MEIKIN: variants seen among roughly 807,000 people sequenced by gnomAD.
The protein encoded by MEIKIN is meiotic kinetochore factor, also known as meiosis-specific kinetochore protein.
At chr5:131,890,507 G>A (rs1750890959) in intron 8 of MEIKIN, among the ~76,000 whole-genome samples, 4 of 152,186 alleles carry the variant, frequency 2.6e-5, no homozygotes, top group Admixed American at 2.6e-4. Context: ...TTTGCATAGA[G>A]GTGTTTACAG....
chr5:131,888,734 T>C (rs1040586943), intron 8 of MEIKIN, among the ~76,000 whole-genome samples: 2 of 152,240 alleles, frequency 1.3e-5, no homozygotes, highest in Non-Finnish European at 2.9e-5. Context: ...ATTTCTCAAT[T>C]TTGGCGTTTG....
intron 11 of MEIKIN, among the ~76,000 whole-genome samples, chr5:131,835,730 A>T (rs577714209): frequency 1.7e-4 from 26 of 152,262 alleles, no homozygotes; most frequent in African/African-American, 6.3e-4. Flanking sequence ...AGTAGCTGGG[A>T]CTACAGGTGC....
chr5:131,890,710 A>G (rs1015229741), intron 8 of MEIKIN, among the ~76,000 whole-genome samples: 29 of 151,950 alleles, frequency 1.9e-4, no homozygotes, highest in Non-Finnish European at 4.1e-4. Context: ...TTGTGTCTCT[A>G]TTTCCTTCAG....
intron 4 of MEIKIN, among the ~76,000 whole-genome samples, chr5:131,935,613 G>C (rs973615725): frequency 1.3e-5 from 2 of 152,114 alleles, no homozygotes; most frequent in Non-Finnish European, 2.9e-5. Flanking sequence ...CGGGGGTCGG[G>C]GGTGGTGAGT....
intron 8 of MEIKIN, among the ~76,000 whole-genome samples, chr5:131,902,577 G>A (rs1295203003): frequency 6.6e-6 from 1 of 152,078 alleles, no homozygotes; most frequent in Non-Finnish European, 1.5e-5. Context: ...GCAGAACCAT[G>A]AGCCAATTAA....
At chr5:131,820,870 A>G (rs535208538) in intron 11 of MEIKIN, among the ~76,000 whole-genome samples, 8 of 152,160 alleles carry the variant, frequency 5.3e-5, no homozygotes, top group Admixed American at 6.5e-5. Flanking sequence ...TTCCTTCTTC[A>G]TCTCTGATTT....
chr5:131,849,100 C>G (rs1013865473), intron 11 of MEIKIN, among the ~76,000 whole-genome samples: 1 of 152,126 alleles, frequency 6.6e-6, no homozygotes, highest in Non-Finnish European at 1.5e-5. Flanking sequence ...ATTTGTGTCC[C>G]TGCCCAAATC....
At chr5:131,934,610 C>T (rs977265811) in intron 4 of MEIKIN, among the ~76,000 whole-genome samples, 4 of 152,236 alleles carry the variant, frequency 2.6e-5, no homozygotes, top group Admixed American at 1.3e-4. Context: ...ACTCCTAAAA[C>T]TCTAAAACTT....
chr5:131,856,936 T>C (rs971367828), intron 9 of MEIKIN, among the ~76,000 whole-genome samples: 1 of 147,450 alleles, frequency 6.8e-6, no homozygotes, highest in Admixed American at 6.7e-5. Flanking sequence ...CATTGCTTTC[T>C]TTTTTTTTTC....
At chr5:131,828,191 G>A (rs185843708) in intron 11 of MEIKIN, among the ~76,000 whole-genome samples, 8 of 151,964 alleles carry the variant, frequency 5.3e-5, no homozygotes, top group East Asian at 1.9e-4. Context: ...TGGCTCTGTC[G>A]CCCAGGCTGG....
intron 8 of MEIKIN, among the ~76,000 whole-genome samples, chr5:131,885,109 A>G (rs1400713182): frequency 6.6e-6 from 1 of 152,096 alleles, no homozygotes; most frequent in Non-Finnish European, 1.5e-5. Flanking sequence ...GGAACTTGCC[A>G]CCCTGCAGGG....
chr5:131,863,137 T>C (rs949801593), intron 9 of MEIKIN, among the ~76,000 whole-genome samples: 2 of 152,222 alleles, frequency 1.3e-5, no homozygotes, highest in Non-Finnish European at 2.9e-5. Flanking sequence ...TATTCCATTG[T>C]GGCCTGAGAA....
In MEIKIN at chr5:131,818,752, C is replaced by A. The variant is rs1391709790; in HGVS notation, c.1087G>T (p.Asp363Tyr). The change falls in exon 12 of 13, where the codon GAT becomes TAT. Residue 363 changes from aspartate to tyrosine, a missense_variant. Physicochemically the swap from Asp to Tyr is radical, Grantham distance 160. Coordinates refer to ENST00000442687, the MANE Select transcript of MEIKIN (RefSeq NM_001303622.2). ...CATACTACAGTACCTTGAGGGGTATCCTTAGGAAGAGAATATTTCTTCTTC... is the reference window on the plus strand; with the variant it reads ...CATACTACAGTACCTTGAGGGGTATACTTAGGAAGAGAATATTTCTTCTTC... ...VKKKKYSLPK[D>Y]TPQDIIIKMA 5.0e-6 allele frequency: 2 copies of A among 397,996 alleles called. No individual in the cohort carries two copies. Among genetic ancestry groups the A allele is most frequent in the Non-Finnish European group, 4.4e-6 (1 of 225,734 alleles). 24.7% of individuals were successfully genotyped at this position (397,996 alleles called of 1,614,324 possible).
At chr5:131,932,747 C>T (rs939319529) in intron 5 of MEIKIN, among the ~76,000 whole-genome samples, 2 of 152,194 alleles carry the variant, frequency 1.3e-5, no homozygotes, top group Non-Finnish European at 2.9e-5. Context: ...CTAAAGAATA[C>T]ATCTCCAGGC....
Position 131,872,616 on chromosome 5 carries a change from G to A in MEIKIN, c.774+6362C>T, listed in dbSNP as rs1750526630. On this transcript the variant is annotated intron_variant, in intron 9 of 12. Coordinates refer to ENST00000442687, the MANE Select transcript of MEIKIN (RefSeq NM_001303622.2). Reference sequence around the variant, plus strand: ...AGAACTTCCCCAATCTAGCAAGGCAGGCCAACATTCACATTCAGGAAATAC... The same window carrying A: ...AGAACTTCCCCAATCTAGCAAGGCAAGCCAACATTCACATTCAGGAAATAC... 2.6e-5 allele frequency among the ~76,000 whole-genome samples: 4 copies of A among 152,258 alleles called. No homozygotes were observed. The East Asian group carries it at 7.7e-4, about 29-fold the overall frequency.
At position 131,873,743 on chromosome 5, in the gene MEIKIN, A is replaced by G. The variant is rs541251626; in HGVS notation, c.774+5235T>C. ...TTCCAAAATTGAACACATAGTTGGA[A>G]GTAAAGCACTCCTCAGCAAATGTAA... is the stretch of plus-strand genomic sequence containing the variant. On this transcript the variant is annotated intron_variant, in intron 9 of 12. Transcript: ENST00000442687. Among the ~76,000 whole-genome samples, 79 of 152,342 alleles carry G rather than the reference A, an allele frequency of 5.2e-4. 1 individual carries two copies. The highest frequency in any genetic ancestry group is 1.7e-3 in the African/African-American group (71 of 41,578).
intron 11 of MEIKIN, among the ~76,000 whole-genome samples, chr5:131,844,130 TTCAC>T (rs1189985436): frequency 6.6e-6 from 1 of 152,086 alleles, no homozygotes; most frequent in East Asian, 1.9e-4. Flanking sequence ...CTCGTGAGCA[TTCAC>T]TCACTGTCAC....
chr5:131,862,430 CTA>C (rs1197733497), intron 9 of MEIKIN, among the ~76,000 whole-genome samples: 2 of 152,056 alleles, frequency 1.3e-5, no homozygotes, highest in East Asian at 3.9e-4. Flanking sequence ...TTTTTAGTCT[CTA>C]TTTCATTTCT....
intron 11 of MEIKIN, among the ~76,000 whole-genome samples, chr5:131,831,355 G>T (rs1749712505): frequency 6.6e-6 from 1 of 152,162 alleles, no homozygotes. Context: ...TTTGAGACCA[G>T]TCTGGGCAAC....
Sources: allele counts gnomAD v4.1 joint callset (sites outside exome capture counted in the v4.1 genomes callset), GRCh38; gene constraint gnomAD v4.1.1; transcripts MANE v1.5; gene names NCBI Gene and HGNC (gene_info 2026-07-23, HGNC 2026-07-21).